CSMD1: variants seen among roughly 807,000 people sequenced by gnomAD.
The protein encoded by CSMD1 is CUB and sushi domain-containing protein 1.
CSMD1 carries 213 observed loss-of-function variants against 417.5 expected under a neutral mutation model. The ratio of observed to expected loss-of-function variants is 0.51; its 90% confidence interval spans 0.46 to 0.57. CSMD1 has a LOEUF of 0.57. CSMD1 is among the 20% of genes least tolerant of loss of function. The pLI, the probability that CSMD1 is intolerant of heterozygous loss-of-function variation, is 0.00. For synonymous variants in CSMD1, 2,862 were observed against 1,736.8 expected, an observed-to-expected ratio of 1.65 and a Z score of -16.11; for missense variants, 6,923 against 4,529.7, an observed-to-expected ratio of 1.53 and a Z score of -15.17.
At chr8:3,078,297 G>C (rs1380231665) in intron 49 of CSMD1, among the ~76,000 whole-genome samples, 1 of 152,082 alleles carries the variant, frequency 6.6e-6, no homozygotes, top group Non-Finnish European at 1.5e-5. Context: ...TTTATTATTA[G>C]CCACATTTCA....
intron 41 of CSMD1, among the ~76,000 whole-genome samples, chr8:3,127,120 G>T (rs1369195472): frequency 1.3e-5 from 2 of 152,178 alleles, no homozygotes; most frequent in African/African-American, 4.8e-5. Flanking sequence ...TAAGAGTCTT[G>T]TCCACAAACT....
intron 2 of CSMD1, among the ~76,000 whole-genome samples, chr8:4,513,244 G>C (rs1802924727): frequency 6.6e-6 from 1 of 152,146 alleles, no homozygotes; most frequent in Non-Finnish European, 1.5e-5. Flanking sequence ...TCCTGTATGT[G>C]TGGGGACAGG....
chr8:4,765,946 C>A (rs28619361), intron 1 of CSMD1, among the ~76,000 whole-genome samples: 2,012 of 152,224 alleles, frequency 0.013, 30 homozygotes, highest in African/African-American at 0.046. Flanking sequence ...TAGCTAATTC[C>A]ACATAGTTTC....
At chr8:4,087,271 C>G (rs932685764) in intron 3 of CSMD1, among the ~76,000 whole-genome samples, 2 of 152,180 alleles carry the variant, frequency 1.3e-5, no homozygotes, top group African/African-American at 2.4e-5. Flanking sequence ...TTCAACTTCT[C>G]TTGCTCACTC....
At chr8:4,523,958 C>T (rs973787432) in intron 2 of CSMD1, among the ~76,000 whole-genome samples, 3 of 152,062 alleles carry the variant, frequency 2.0e-5, no homozygotes, top group African/African-American at 7.2e-5. Context: ...AGGTGTTTCC[C>T]CAGCCAGCAG....
chr8:4,265,329 C>G (rs961003902), intron 3 of CSMD1, among the ~76,000 whole-genome samples: 1 of 151,854 alleles, frequency 6.6e-6, no homozygotes, highest in African/African-American at 2.4e-5. Context: ...AAAATTCTAT[C>G]AGCATTTTGG....
At chr8:4,852,019 G>T (rs1408533562) in intron 1 of CSMD1, among the ~76,000 whole-genome samples, 2 of 152,074 alleles carry the variant, frequency 1.3e-5, no homozygotes, top group Non-Finnish European at 2.9e-5. Flanking sequence ...TGTCACTAAG[G>T]TCTAACCTGT....
chr8:4,078,891 TAATA>T (rs1230923412), intron 3 of CSMD1, among the ~76,000 whole-genome samples: 14 of 109,618 alleles, frequency 1.3e-4, no homozygotes, highest in African/African-American at 3.6e-4. Flanking sequence ...ATAATAATAA[TAATA>T]AATATATATA....
At chr8:4,084,700 A>G (rs1157690350) in intron 3 of CSMD1, among the ~76,000 whole-genome samples, 1 of 152,042 alleles carries the variant, frequency 6.6e-6, no homozygotes, top group Non-Finnish European at 1.5e-5. Context: ...GGCATCAATT[A>G]GCAATAACAG....
intron 2 of CSMD1, among the ~76,000 whole-genome samples, chr8:4,629,371 C>A (rs1802368403): frequency 6.6e-6 from 1 of 152,166 alleles, no homozygotes; most frequent in Non-Finnish European, 1.5e-5. Flanking sequence ...AGCTATCATA[C>A]TGCATTGTTT....
chr8:4,416,851 G>A (rs1263874597), intron 3 of CSMD1, among the ~76,000 whole-genome samples: 2 of 151,962 alleles, frequency 1.3e-5, no homozygotes, highest in Non-Finnish European at 2.9e-5. Flanking sequence ...GATAAAAGAA[G>A]AAACATTACA....
At chr8:4,171,650 T>A (rs1240752070) in intron 3 of CSMD1, among the ~76,000 whole-genome samples, 1 of 151,966 alleles carries the variant, frequency 6.6e-6, no homozygotes, top group African/African-American at 2.4e-5. Flanking sequence ...TGCCTGTTTT[T>A]TTCCCAATGC....
At chr8:4,385,587 G>C (rs1037061038) in intron 3 of CSMD1, among the ~76,000 whole-genome samples, 1 of 152,156 alleles carries the variant, frequency 6.6e-6, no homozygotes, top group South Asian at 2.1e-4. Flanking sequence ...TAAGGAGTAA[G>C]AATGTTATTA....
At chr8:3,257,858 C>A (rs1800775870) in intron 26 of CSMD1, among the ~76,000 whole-genome samples, 1 of 152,074 alleles carries the variant, frequency 6.6e-6, no homozygotes. Context: ...TGGGGCTTGA[C>A]TCAGTGATCC....
At chr8:4,726,342 C>T (rs892785712) in intron 1 of CSMD1, among the ~76,000 whole-genome samples, 1 of 151,442 alleles carries the variant, frequency 6.6e-6, no homozygotes, top group Non-Finnish European at 1.5e-5. Flanking sequence ...TTTTGTATTC[C>T]TGAAAGATAG....
intron 1 of CSMD1, among the ~76,000 whole-genome samples, chr8:4,931,942 T>A (rs1192710840): frequency 2.0e-5 from 3 of 152,256 alleles, no homozygotes; most frequent in African/African-American, 4.8e-5. Context: ...TGTAAGAAAT[T>A]CTTGTGTAAC....
At chr8:3,046,683 G>C (rs958072153) in intron 50 of CSMD1, among the ~76,000 whole-genome samples, 1 of 152,132 alleles carries the variant, frequency 6.6e-6, no homozygotes. Context: ...CAAAGCACCG[G>C]TGTCTAATCA....
intron 26 of CSMD1, among the ~76,000 whole-genome samples, chr8:3,246,160 C>T (rs1039518339): frequency 2.0e-5 from 3 of 152,044 alleles, no homozygotes; most frequent in African/African-American, 7.2e-5. Flanking sequence ...AGTGGATTCC[C>T]ATCACTCTAG....
intron 3 of CSMD1, among the ~76,000 whole-genome samples, chr8:4,176,003 C>A (rs1419416294): frequency 6.6e-6 from 1 of 152,120 alleles, no homozygotes; most frequent in Non-Finnish European, 1.5e-5. Context: ...GAGAGGCTAG[C>A]CCAGGCTTCT....
Sources: allele counts gnomAD v4.1 joint callset (sites outside exome capture counted in the v4.1 genomes callset), GRCh38; gene constraint gnomAD v4.1.1; transcripts MANE v1.5; gene names NCBI Gene and HGNC (gene_info 2026-07-23, HGNC 2026-07-21).